Variants in STRADA observed in about 807,000 individuals in gnomAD.
The protein encoded by STRADA is STE20-related kinase adapter protein alpha.
In STRADA, 26 loss-of-function variants were observed where a neutral mutation model predicts 55.0. That is an observed-to-expected ratio of 0.47 (90% CI 0.35 to 0.66). The LOEUF (loss-of-function observed/expected upper bound fraction) is 0.66, where lower values mean the gene tolerates loss of function less well. Among genes scored for constraint, STRADA ranks in the 30% least tolerant of loss-of-function variants. The probability of loss-of-function intolerance (pLI) is 0.01; values close to 1 mark genes in which losing one functional copy is unlikely to be tolerated. For missense variants in STRADA, 443 were observed against 549.7 expected, an observed-to-expected ratio of 0.81 and a Z score of 1.94; for synonymous variants, 197 against 210.9, an observed-to-expected ratio of 0.93 and a Z score of 0.57.
intron 8 of STRADA, 159 bp from the exon 9 acceptor site, chr17:63,707,577 T>C: frequency 1.4e-6 from 1 of 694,186 alleles, no homozygotes; most frequent in Non-Finnish European, 2.4e-6. Flanking sequence ...TTGTTTTCAT[T>C]GAGATAAGAG....
chr17:63,710,594 A>C lies in STRADA; in HGVS notation c.478T>G (p.Cys160Gly). ...MAYGSAKDLICTHFMDGMNEL... is the reference protein window; with the variant it reads ...MAYGSAKDLIGTHFMDGMNEL... ...TTCATGCCATCCATGAAGTGTGTAC[A>C]GATGAGATCTTTTGCAGAACCTGCA... The change falls in exon 8 of 13, where the codon TGT becomes GGT. Residue 160 changes from cysteine (C) to glycine (G), a missense_variant. By Grantham distance (159) the Cys-to-Gly change is radical. Transcript: ENST00000336174. 1 of 1,614,098 alleles carries C rather than the reference A, an allele frequency of 6.2e-7. No individual in the cohort carries two copies. The highest frequency in any genetic ancestry group is 8.5e-7 in the Non-Finnish European group (1 of 1,179,946).
At chr17:63,716,185 T>A (rs926039737) in intron 4 of STRADA, among the ~76,000 whole-genome samples, 1 of 148,550 alleles carries the variant, frequency 6.7e-6, no homozygotes, top group South Asian at 2.2e-4. Flanking sequence ...AAGCTCCGCC[T>A]CCTGGGTCCA....
chr17:63,732,745 C>G (rs1019548766), intron 1 of STRADA, among the ~76,000 whole-genome samples: 1 of 151,966 alleles, frequency 6.6e-6, no homozygotes, highest in Non-Finnish European at 1.5e-5. Flanking sequence ...AAGTGAGCCA[C>G]GATCGCACCA....
intron 1 of STRADA, among the ~76,000 whole-genome samples, chr17:63,738,107 C>T (rs554997524): frequency 6.6e-6 from 1 of 151,982 alleles, no homozygotes; most frequent in South Asian, 2.1e-4. Flanking sequence ...CCTTGGGAGG[C>T]CGAGGCGGGC....
At chr17:63,716,115 T>C (rs1175871894) in intron 4 of STRADA, among the ~76,000 whole-genome samples, 1 of 151,102 alleles carries the variant, frequency 6.6e-6, no homozygotes, top group African/African-American at 2.4e-5. Context: ...TTTTTTTTTT[T>C]AGACGGAGTC....
chr17:63,706,854 T>A (rs901605345), intron 9 of STRADA, 115 bp from the exon 10 acceptor site: 1 of 753,488 alleles, frequency 1.3e-6, no homozygotes, highest in Non-Finnish European at 2.3e-6. Flanking sequence ...CTGCTGCTAA[T>A]GACTCTCCTT....
intron 4 of STRADA, among the ~76,000 whole-genome samples, chr17:63,718,192 G>C (rs966028955): frequency 3.3e-5 from 5 of 152,102 alleles, no homozygotes; most frequent in Non-Finnish European, 7.4e-5. Context: ...CAAAGTACTG[G>C]GATTACAGGC....
chr17:63,735,359 T>A (rs1336831625), intron 1 of STRADA, among the ~76,000 whole-genome samples: 1 of 152,198 alleles, frequency 6.6e-6, no homozygotes. Flanking sequence ...CTTGCATCTG[T>A]GTTAACTTGA....
intron 3 of STRADA, among the ~76,000 whole-genome samples, chr17:63,724,368 C>T (rs1215364081): frequency 6.6e-6 from 1 of 152,088 alleles, no homozygotes; most frequent in East Asian, 1.9e-4. Flanking sequence ...GTCTCCAACT[C>T]CTGACCTCAG....
intron 4 of STRADA, among the ~76,000 whole-genome samples, chr17:63,719,627 G>A (rs1411488847): frequency 6.6e-6 from 1 of 152,090 alleles, no homozygotes; most frequent in Non-Finnish European, 1.5e-5. Flanking sequence ...GGGATTACAG[G>A]TGCGTGCTAC....
chr17:63,713,904 C>G (rs759525860), intron 5 of STRADA, 102 bp downstream of exon 5: 4 of 921,100 alleles, frequency 4.3e-6, no homozygotes, highest in Non-Finnish European at 5.2e-6. Flanking sequence ...ATCCTCCTAA[C>G]TAGTGGATGG....
rs142661578 is a variant in STRADA at position 63,714,614 on chromosome 17, C to T, written c.124-506G>A. 7.1e-5 allele frequency: 14 copies of T among 197,056 alleles called. No individual in the cohort carries two copies. The East Asian group carries it at 1.3e-3, about 18-fold the overall frequency. 12.2% of individuals were successfully genotyped at this position (197,056 alleles called of 1,614,324 possible). On this transcript the variant is annotated intron_variant, in intron 4 of 12. Transcript: ENST00000336174. Reference sequence around the variant, plus strand: ...CCCCCTCTTTAGCAAACCAAGAGCCCGGGCCAGTCATTGCCTGACATTTCC... The same window carrying T: ...CCCCCTCTTTAGCAAACCAAGAGCCTGGGCCAGTCATTGCCTGACATTTCC...
chr17:63,731,989 T>C (rs1019832738), intron 1 of STRADA, among the ~76,000 whole-genome samples: 2 of 152,046 alleles, frequency 1.3e-5, no homozygotes, highest in Non-Finnish European at 2.9e-5. Context: ...CTCAGCCTCC[T>C]GAGTAGCTGG....
intron 6 of STRADA, 127 bp downstream of exon 6, chr17:63,713,279 T>C: frequency 7.7e-7 from 1 of 1,299,530 alleles, no homozygotes; most frequent in South Asian, 1.5e-5. Flanking sequence ...ATGGCCAGGA[T>C]TCTCCACTGA....
rs768681065 is a variant in STRADA at position 63,704,434 on chromosome 17, T to C, written c.1007A>G (p.Asn336Ser). The C allele has an allele frequency of 3.2e-5, 52 of 1,612,230 alleles. No individual in the cohort carries two copies. Among genetic ancestry groups the C allele is most frequent in the Non-Finnish European group, 3.4e-5 (40 of 1,179,606 alleles). Reference protein sequence around the residue: ...SLTTSTPRPSNGDSPSHPYHR... With the variant: ...SLTTSTPRPSSGDSPSHPYHR... Reference sequence around the variant, plus strand: ...GTAGGGGTGGGAGGGCGAGTCACCGTTGGAGGGCCGGGGGGTGCTGGTGGT... The same window carrying C: ...GTAGGGGTGGGAGGGCGAGTCACCGCTGGAGGGCCGGGGGGTGCTGGTGGT... The change falls in exon 11 of 13, where the codon AAC becomes AGC. Residue 336 changes from asparagine (N) to serine (S), a missense_variant. Asn to Ser is a conservative substitution (Grantham distance 46). Coordinates refer to ENST00000336174, the MANE Select transcript of STRADA (RefSeq NM_001003787.4).
chr17:63,704,581 A>T lies in STRADA; in HGVS notation c.860T>A (p.Met287Lys), dbSNP rs1485688235. Residue 287 changes from methionine (M) to lysine (K), a missense_variant and splice_region_variant, in exon 11 of 13, where the codon ATG (methionine) becomes AAG (lysine). Coordinates refer to ENST00000336174, the MANE Select transcript of STRADA (RefSeq NM_001003787.4). ...TGTGCCGTTCAGTTTCTCTAGCAGC[A>T]TCTGGGGAGGACAGAACCAGGACCT... ...VPFKDMPATQ[M>K]LLEKLNGTVP... 7.6e-7 allele frequency: 1 copy of T among 1,313,886 alleles called. No individual in the cohort carries two copies. The highest frequency in any genetic ancestry group is 4.8e-5 in the East Asian group (1 of 20,754). The allele number at this position is 1,313,886 out of a possible 1,614,324, so 81.4% of individuals were successfully genotyped here.
chr17:63,710,032 CTTTTTTTTT>C (rs199783375), intron 8 of STRADA, among the ~76,000 whole-genome samples: 2 of 132,252 alleles, frequency 1.5e-5, no homozygotes, highest in Admixed American at 7.5e-5. Context: ...ATCCTTCTCT[CTTTTTTTTT>C]TTTTTTTTTT....
chr17:63,707,192 C>G, intron 9 of STRADA, 55 bp downstream of exon 9: 1 of 1,599,944 alleles, frequency 6.3e-7, no homozygotes, highest in Non-Finnish European at 8.5e-7. Flanking sequence ...TGCCTGAAGG[C>G]TCCCTTGGGA....
At chr17:63,726,836 G>A (rs1349433779) in intron 2 of STRADA, 141 bp from the exon 3 acceptor site, 1 of 743,458 alleles carries the variant, frequency 1.3e-6, no homozygotes, top group African/African-American at 1.8e-5. Context: ...CTATGGAAAA[G>A]TTTTTAACAG....
Sources: gnomAD v4.1 joint callset for allele counts (sites outside exome capture counted in the v4.1 genomes callset) on GRCh38, gnomAD v4.1.1 for gene constraint, MANE v1.5 for transcripts, NCBI Gene and HGNC (gene_info 2026-07-23, HGNC 2026-07-21) for gene names.